Variants in GGA1 observed in about 807,000 individuals in gnomAD.
GGA1 encodes golgi associated, gamma adaptin ear containing, ARF binding protein 1, also known as ADP-ribosylation factor-binding protein GGA1.
GGA1 carries 18 observed loss-of-function variants against 76.9 expected under a neutral mutation model. That is an observed-to-expected ratio of 0.23 (90% confidence interval 0.16 to 0.35). The LOEUF (loss-of-function observed/expected upper bound fraction) is 0.35. GGA1 is among the 10% of genes least tolerant of loss of function. GGA1 has a pLI of 1.00. For missense variants in GGA1, 755 were observed against 859.0 expected, an observed-to-expected ratio of 0.88 and a Z score of 1.51; for synonymous variants, 342 against 354.7, an observed-to-expected ratio of 0.96 and a Z score of 0.40.
intron 7 of GGA1, among the ~76,000 whole-genome samples, chr22:37,622,056 G>T (rs1228158499): frequency 6.6e-6 from 1 of 151,060 alleles, no homozygotes; most frequent in African/African-American, 2.5e-5. Flanking sequence ...ATGAATATAT[G>T]TAAGTATGTA....
In GGA1 at chr22:37,625,591, A is replaced by G. The variant is rs1930664657; in HGVS notation, c.941-206A>G. On this transcript the variant is annotated intron_variant, in intron 10 of 16. Coordinates refer to ENST00000343632, the MANE Select transcript of GGA1 (RefSeq NM_013365.5). The surrounding 1 kb of genome is among the most constrained non-coding windows in gnomAD (Gnocchi z 4.1). Reference sequence around the variant, plus strand: ...TTTGCCCAGTAGAGCTAAGAAGGAAATACATTCCGGACAGAAGTACCATCA... The same window carrying G: ...TTTGCCCAGTAGAGCTAAGAAGGAAGTACATTCCGGACAGAAGTACCATCA... 6.6e-6 allele frequency among the ~76,000 whole-genome samples: 1 copy of G among 152,114 alleles called. No individual in the cohort carries two copies. Among genetic ancestry groups the G allele is most frequent in the Non-Finnish European group, 1.5e-5 (1 of 68,012 alleles).
rs1392004864 is a variant in GGA1 at position 37,632,597 on chromosome 22, C to T, written c.1810-4C>T. 1.2e-6 allele frequency: 2 copies of T among 1,607,772 alleles called. No individual in the cohort carries two copies. The highest frequency in any genetic ancestry group is 3.3e-5 in the Admixed American group (2 of 60,010). On this transcript the variant is annotated splice_polypyrimidine_tract_variant and splice_region_variant and intron_variant, in intron 16 of 16. Coordinates refer to ENST00000343632, the MANE Select transcript of GGA1 (RefSeq NM_013365.5). This position sits in a 1 kb window ranked among gnomAD's most constrained non-coding sequence, Gnocchi z 5.1. ...CCCCTCTGCCTTTGCCATCTCTTCCCCAGGAGAAGGTTCGCCTCCGCTACA... is the reference window on the plus strand; with the variant it reads ...CCCCTCTGCCTTTGCCATCTCTTCCTCAGGAGAAGGTTCGCCTCCGCTACA...
intron 4 of GGA1, among the ~76,000 whole-genome samples, chr22:37,619,232 AT>A (rs1218589990): frequency 6.6e-6 from 1 of 151,616 alleles, no homozygotes; most frequent in Non-Finnish European, 1.5e-5. Flanking sequence ...TGCCCGGCTA[AT>A]TTTTTGTATT....
At chr22:37,629,627 T>TC in intron 12 of GGA1, 101 bp downstream of exon 12, 1 of 671,566 alleles carries the variant, frequency 1.5e-6, no homozygotes. Context: ...TGGGCTCTAC[T>TC]CAAGAGCCCA....
chr22:37,632,466 T>C lies in GGA1; in HGVS notation c.1760T>C (p.Val587Ala), dbSNP rs1009030319. The C allele has an allele frequency of 1.2e-6, 2 of 1,613,842 alleles. No homozygotes were observed. Among genetic ancestry groups the C allele is most frequent in the African/African-American group, 2.7e-5 (2 of 74,924 alleles). Residue 587 changes from valine to alanine, a missense_variant, in exon 16 of 17, where the codon GTC (valine) becomes GCC (alanine). Transcript: ENST00000343632. This position sits in a 1 kb window ranked among gnomAD's most constrained non-coding sequence, Gnocchi z 5.1. ...GTELPAFNPI[V>A]HPSAITQVLL... is the part of the protein sequence containing the mutation. ...GAGCTGCCAGCTTTTAACCCCATCG[T>C]CCACCCCTCAGCAATCACCCAGGTC...
Position 37,623,647 on chromosome 22 carries a change from A to T in GGA1, c.832+14A>T. 1 of 1,533,806 alleles carries T rather than the reference A, an allele frequency of 6.5e-7. No homozygotes were observed. The highest frequency in any genetic ancestry group is 8.9e-7 in the Non-Finnish European group (1 of 1,127,510). On this transcript the variant is annotated intron_variant, in intron 9 of 16. Coordinates refer to ENST00000343632, the MANE Select transcript of GGA1 (RefSeq NM_013365.5). The surrounding 1 kb of genome is among the most constrained non-coding windows in gnomAD (Gnocchi z 4.6). ...ATGAGGCCTTAGGTGAGCCCAGGGC[A>T]GGTGCTGAGGTCAGGTCCCCCCCTC...
chr22:37,620,793 C>A lies in GGA1; in HGVS notation c.428-20C>A, dbSNP rs374395564. 1.4e-6 allele frequency: 2 copies of A among 1,480,410 alleles called. No homozygotes were observed. The highest frequency in any genetic ancestry group is 1.9e-6 in the Non-Finnish European group (2 of 1,058,142). The allele number at this position is 1,480,410 out of a possible 1,614,324, so 91.7% of individuals were successfully genotyped here. A position where few individuals can be genotyped will look rare whatever the true frequency, so the allele number is the denominator to read the frequency against. ...GGCCTGGGACATATTGACAGCCTTT[C>A]TGACACTCATCTAATCCAGGGATTG... On this transcript the variant is annotated intron_variant, in intron 5 of 16. Coordinates refer to ENST00000343632, the MANE Select transcript of GGA1 (RefSeq NM_013365.5).
At chr22:37,629,223 T>C (rs998768203) in intron 11 of GGA1, among the ~76,000 whole-genome samples, 1 of 152,146 alleles carries the variant, frequency 6.6e-6, no homozygotes, top group Non-Finnish European at 1.5e-5. Context: ...GCACAGAGCT[T>C]TGGAGTGGCC....
In GGA1 at chr22:37,614,200, G is replaced by A. The variant is rs202227078; in HGVS notation, c.54G>A (p.Thr18=). The A allele has an allele frequency of 1.9e-4, 310 of 1,612,982 alleles. 2 individuals are homozygous for A. Among genetic ancestry groups the A allele is most frequent in the South Asian group, 1.6e-3 (149 of 91,054 alleles). ...GCTCTCCTCTTCCAGATAGAGCCAC[G>A]AACCCCCTGAACAAGGAGCTCGACT... ...ETLEARINRA[T]NPLNKELDWA... is the part of the protein sequence containing the mutation. The change falls in exon 2 of 17, where the codon ACG becomes ACA. Residue 18 remains threonine, a synonymous_variant. Transcript: ENST00000343632.
intron 13 of GGA1, 171 bp from the exon 14 acceptor site, chr22:37,630,731 TA>T (rs1931649894): frequency 1.7e-6 from 1 of 583,560 alleles, no homozygotes. Context: ...CACGCCCAGC[TA>T]GTTTTTTGTA....
chr22:37,620,019 G>A (rs919005382), intron 4 of GGA1: 2 of 626,054 alleles, frequency 3.2e-6, no homozygotes. Context: ...CCATCTAGCA[G>A]GTGGGGAAAC....
intron 4 of GGA1, chr22:37,619,836 T>C: frequency 3.9e-6 from 3 of 777,450 alleles, no homozygotes; most frequent in Non-Finnish European, 7.2e-6. Flanking sequence ...CCCAGCCCAG[T>C]TTGCTGCTAG....
intron 2 of GGA1, among the ~76,000 whole-genome samples, chr22:37,616,645 T>C (rs1467448117): frequency 6.6e-6 from 1 of 152,164 alleles, no homozygotes; most frequent in Non-Finnish European, 1.5e-5. Context: ...GGAGCTGAGC[T>C]CATACCTTTT....
chr22:37,617,104 T>C (rs773004862), intron 3 of GGA1, 107 bp downstream of exon 3: 11 of 1,538,382 alleles, frequency 7.2e-6, no homozygotes, highest in Non-Finnish European at 9.6e-6. Flanking sequence ...CCCAAGAGAG[T>C]TGTGCTAAGA....
intron 7 of GGA1, among the ~76,000 whole-genome samples, chr22:37,622,094 T>G (rs1929999093): frequency 6.6e-6 from 1 of 152,084 alleles, no homozygotes; most frequent in Admixed American, 6.6e-5. Flanking sequence ...GGAGACTTTT[T>G]TTGAGACAAG....
chr22:37,622,853 G>A (rs1433833288), intron 7 of GGA1, among the ~76,000 whole-genome samples: 2 of 152,228 alleles, frequency 1.3e-5, no homozygotes, highest in Non-Finnish European at 2.9e-5. Flanking sequence ...AGCCTTTGAA[G>A]GCACGGGCTC....
In GGA1 at chr22:37,631,054, C is replaced by T. The variant is rs144761956; in HGVS notation, c.1483C>T (p.Leu495Phe). 160 of 1,608,570 alleles carry T rather than the reference C, an allele frequency of 9.9e-5. No homozygotes were observed. Among genetic ancestry groups the T allele is most frequent in the Middle Eastern group, 1.7e-4 (1 of 6,048 alleles). The change falls in exon 14 of 17, where the codon CTC (leucine) becomes TTC (phenylalanine). Residue 495 changes from leucine (L) to phenylalanine (F), a missense_variant. Coordinates refer to ENST00000343632, the MANE Select transcript of GGA1 (RefSeq NM_013365.5). ...TCCGCAGCAGCCCGTACCAACCGAG[C>T]TCTCACTGGCCAGCATCACTGTGCC... The part of the protein sequence containing the change: ...RPPQQPVPTE[L>F]SLASITVPLE...
intron 2 of GGA1, among the ~76,000 whole-genome samples, chr22:37,614,637 A>T (rs1928401625): frequency 6.6e-6 from 1 of 152,238 alleles, no homozygotes; most frequent in African/African-American, 2.4e-5. Context: ...GGAGGAGGCC[A>T]GTAGGCCCTT....
At chr22:37,609,784 T>G (rs1279558515) in intron 1 of GGA1, among the ~76,000 whole-genome samples, 1 of 152,152 alleles carries the variant, frequency 6.6e-6, no homozygotes, top group East Asian at 1.9e-4. Flanking sequence ...GTGAGGGTTC[T>G]CTCCCAAGGC....
Sources: gnomAD v4.1 joint callset for allele counts (sites outside exome capture counted in the v4.1 genomes callset) on GRCh38, gnomAD v4.1.1 for gene constraint, Gnocchi (gnomAD v3.1) non-coding constraint, MANE v1.5 for transcripts, NCBI Gene and HGNC (gene_info 2026-07-23, HGNC 2026-07-21) for gene names.